NCEH1: variants seen among roughly 807,000 people sequenced by gnomAD.
NCEH1 encodes neutral cholesterol ester hydrolase 1, also known as 2-acetyl MAGE hydrolase.
A neutral mutation model predicts 25.4 loss-of-function variants in NCEH1; 9 were observed. The observed-to-expected ratio is 0.35, with a 90% CI of 0.21 to 0.62. The LOEUF (loss-of-function observed/expected upper bound fraction) is 0.62, where lower values mean the gene tolerates loss of function less well. Ranked by LOEUF, NCEH1 falls within the 20% of genes least tolerant of loss-of-function variation. The pLI is 0.72. For synonymous variants in NCEH1, 200 were observed against 199.8 expected (o/e 1.00, Z -0.01); for missense variants, 412 against 501.1 (o/e 0.82, Z 1.70).
chr3:172,642,195 AT>A (rs1716882299), intron 3 of NCEH1, among the ~76,000 whole-genome samples: 1 of 151,552 alleles, frequency 6.6e-6, no homozygotes, highest in Non-Finnish European at 1.5e-5. Flanking sequence ...TTGTTTTGAG[AT>A]AGGGTCTCTC....
At chr3:172,637,905 G>A (rs1716665923) in intron 3 of NCEH1, among the ~76,000 whole-genome samples, 1 of 148,990 alleles carries the variant, frequency 6.7e-6, no homozygotes, top group Non-Finnish European at 1.5e-5. Flanking sequence ...AAAATAGCCG[G>A]GCATGGTGGT....
At position 172,631,383 on chromosome 3, in the gene NCEH1, T is replaced by TA. The variant is rs1214584135; in HGVS notation, c.*2091_*2092insT. 2 of 147,046 alleles carry TA rather than the reference T, an allele frequency of 1.4e-5. No homozygotes were observed. The highest frequency in any genetic ancestry group is 2.0e-4 in the East Asian group (1 of 5,120). 9.1% of individuals were successfully genotyped at this position (147,046 alleles called of 1,614,324 possible). On this transcript the variant is annotated 3_prime_UTR_variant, in exon 5 of 5. Coordinates refer to ENST00000475381, the MANE Select transcript of NCEH1 (RefSeq NM_020792.6). ...CACAGAATAAGAACTAAAATCCCAT[T>TA]TTTTTTTTTTAGGAAAAAAAGACCT...
intron 1 of NCEH1, among the ~76,000 whole-genome samples, chr3:172,709,862 G>C (rs1319082685): frequency 6.6e-6 from 1 of 152,194 alleles, no homozygotes; most frequent in Non-Finnish European, 1.5e-5. Context: ...CAAGGTTGTG[G>C]GGAGGGAGGA....
intron 1 of NCEH1, among the ~76,000 whole-genome samples, chr3:172,657,191 A>T (rs1717736248): frequency 6.6e-6 from 1 of 152,170 alleles, no homozygotes; most frequent in Non-Finnish European, 1.5e-5. Flanking sequence ...GGAAGTATTT[A>T]CCAGCAGCCT....
intron 1 of NCEH1, among the ~76,000 whole-genome samples, chr3:172,704,522 T>C (rs1713872605): frequency 1.3e-5 from 2 of 152,252 alleles, no homozygotes; most frequent in African/African-American, 2.4e-5. Context: ...GACTGTAAGC[T>C]TCTCAAGTTT....
chr3:172,646,892 C>A (rs1049712991), intron 2 of NCEH1, among the ~76,000 whole-genome samples: 1 of 152,160 alleles, frequency 6.6e-6, no homozygotes, highest in African/African-American at 2.4e-5. Flanking sequence ...CACCCGAGCA[C>A]ACCTTAGACT....
chr3:172,668,968 G>T (rs1000203399), intron 1 of NCEH1, among the ~76,000 whole-genome samples: 5 of 151,922 alleles, frequency 3.3e-5, no homozygotes, highest in African/African-American at 1.2e-4. Context: ...TCAAGTAGCT[G>T]GGACTACAGG....
At chr3:172,651,594 T>G (rs1717408503) in intron 1 of NCEH1, among the ~76,000 whole-genome samples, 1 of 151,998 alleles carries the variant, frequency 6.6e-6, no homozygotes, top group African/African-American at 2.4e-5. Context: ...AGTCTCGCTC[T>G]GTTACCCAGG....
chr3:172,650,898 A>T (rs1161755385), intron 1 of NCEH1, among the ~76,000 whole-genome samples: 1 of 152,010 alleles, frequency 6.6e-6, no homozygotes, highest in Non-Finnish European at 1.5e-5. Flanking sequence ...GATGAGTAGA[A>T]AAAGAATTTA....
intron 1 of NCEH1, among the ~76,000 whole-genome samples, chr3:172,668,955 C>A (rs1480138178): frequency 6.6e-6 from 1 of 152,078 alleles, no homozygotes; most frequent in Non-Finnish European, 1.5e-5. Context: ...CTGTACTAGC[C>A]TCTCAAGTAG....
chr3:172,688,266 G>C (rs1425724543), intron 1 of NCEH1, among the ~76,000 whole-genome samples: 1 of 138,268 alleles, frequency 7.2e-6, no homozygotes, highest in Non-Finnish European at 1.5e-5. Flanking sequence ...GGAGGCGGAG[G>C]TTGCAGTGAG....
At chr3:172,696,583 T>A (rs570306706) in intron 1 of NCEH1, among the ~76,000 whole-genome samples, 2 of 152,354 alleles carry the variant, frequency 1.3e-5, no homozygotes, top group South Asian at 4.1e-4. Flanking sequence ...GCTAGATCAG[T>A]AAACAAACCC....
Position 172,660,489 on chromosome 3 carries a change from G to C in NCEH1, c.139-12375C>G, listed in dbSNP as rs542773597. On this transcript the variant is annotated intron_variant, in intron 1 of 4. Coordinates refer to ENST00000475381, the MANE Select transcript of NCEH1 (RefSeq NM_020792.6). ...GATTTATAATCCTTTGGGTATATAC[G>C]CAGTAATGGGATTGCTGGGTCAAAT... 8.5e-5 allele frequency among the ~76,000 whole-genome samples: 13 copies of C among 152,128 alleles called. No individual in the cohort carries two copies. The East Asian group carries it at 1.2e-3, about 14-fold the overall frequency.
chr3:172,656,336 T>C (rs1354664200), intron 1 of NCEH1, among the ~76,000 whole-genome samples: 2 of 152,128 alleles, frequency 1.3e-5, no homozygotes, highest in African/African-American at 4.8e-5. Context: ...AAGGAGGACA[T>C]AGGATCTGGA....
chr3:172,706,523 C>G (rs186904988), intron 1 of NCEH1, among the ~76,000 whole-genome samples: 1 of 123,234 alleles, frequency 8.1e-6, no homozygotes, highest in African/African-American at 3.2e-5. Context: ...TTTTTTGAGA[C>G]GAAGTCTCAC....
At chr3:172,661,051 C>A (rs945839506) in intron 1 of NCEH1, among the ~76,000 whole-genome samples, 5 of 152,278 alleles carry the variant, frequency 3.3e-5, no homozygotes, top group Admixed American at 6.5e-5. Flanking sequence ...CTTGCCCATG[C>A]CTATGTCCCT....
intron 1 of NCEH1, among the ~76,000 whole-genome samples, chr3:172,695,909 A>C (rs1395448087): frequency 2.0e-5 from 3 of 152,000 alleles, no homozygotes; most frequent in Admixed American, 6.6e-5. Context: ...GCACCACTGC[A>C]CTCCAGCCTG....
rs533911860 is a variant in NCEH1 at position 172,666,078 on chromosome 3, G to C, written c.139-17964C>G. On this transcript the variant is annotated intron_variant, in intron 1 of 4. Coordinates refer to ENST00000475381, the MANE Select transcript of NCEH1 (RefSeq NM_020792.6). ...ATCTTCTGTGTCACTCATGCTGGGAGCTGTAGACTGGAGCTGCTTCTATTC... is the reference window on the plus strand; with the variant it reads ...ATCTTCTGTGTCACTCATGCTGGGACCTGTAGACTGGAGCTGCTTCTATTC... 4.5e-4 allele frequency among the ~76,000 whole-genome samples: 69 copies of C among 152,332 alleles called. 1 individual carries two copies. In the Middle Eastern group the frequency reaches 0.017, roughly 38 times the overall value.
At chr3:172,689,966 C>G (rs1431267764) in intron 1 of NCEH1, among the ~76,000 whole-genome samples, 4 of 149,840 alleles carry the variant, frequency 2.7e-5, no homozygotes, top group Non-Finnish European at 5.9e-5. Context: ...TGCAGTGGCA[C>G]GATCTCGGCT....
Sources: allele counts gnomAD v4.1 joint callset (sites outside exome capture counted in the v4.1 genomes callset), GRCh38; gene constraint gnomAD v4.1.1; transcripts MANE v1.5; gene names NCBI Gene and HGNC (gene_info 2026-07-23, HGNC 2026-07-21).